CCSER1: variants seen among roughly 807,000 people sequenced by gnomAD.
CCSER1 encodes the protein coiled-coil serine rich protein 1.
A neutral mutation model predicts 82.0 loss-of-function variants in CCSER1; 41 were observed. That is an observed-to-expected ratio of 0.50 (90% confidence interval 0.39 to 0.65). CCSER1 has a LOEUF of 0.65. Among genes scored for constraint, CCSER1 ranks in the 30% least tolerant of loss-of-function variants. The probability of loss-of-function intolerance (pLI) is 0.00; values close to 1 mark genes in which losing one functional copy is unlikely to be tolerated. For synonymous variants in CCSER1, 414 were observed against 383.9 expected (o/e 1.08, Z -0.92); for missense variants, 1,119 against 1,064.2 (o/e 1.05, Z -0.72).
chr4:90,413,703 C>T (rs1755252702), intron 4 of CCSER1, among the ~76,000 whole-genome samples: 1 of 151,514 alleles, frequency 6.6e-6, no homozygotes, highest in South Asian at 2.1e-4. Flanking sequence ...CGCCTGTAAT[C>T]CCAGCACTTT....
At chr4:90,857,977 T>G (rs192608526) in intron 8 of CCSER1, among the ~76,000 whole-genome samples, 18 of 152,226 alleles carry the variant, frequency 1.2e-4, no homozygotes, top group African/African-American at 4.3e-4. Flanking sequence ...TATCTACATA[T>G]ATGTATCTTA....
rs538636524 is a variant in CCSER1, at chr4:91,296,228, CAA to C, written c.2217+210240_2217+210241del. ...GAATGTGGCTTAAGTTTCTGGCAGC[CAA>C]AAAAAGAGAAAGCTCATTTTATTAG... On this transcript the variant is annotated intron_variant, in intron 10 of 10. Transcript: ENST00000509176. Among the ~76,000 whole-genome samples, 7 of 150,682 alleles carry C rather than the reference CAA, an allele frequency of 4.6e-5. No individual in the cohort carries two copies. The East Asian group carries it at 1.4e-3, about 30-fold the overall frequency.
intron 4 of CCSER1, among the ~76,000 whole-genome samples, chr4:90,409,942 C>G (rs1754412263): frequency 6.6e-6 from 1 of 151,972 alleles, no homozygotes; most frequent in Admixed American, 6.6e-5. Context: ...GAAGATCTAC[C>G]AAGCAAATGG....
At position 90,468,277 on chromosome 4, in the gene CCSER1, A is replaced by G. The variant is rs150977627; in HGVS notation, c.1647A>G (p.Ala549=). The G allele has an allele frequency of 0.01, 16,433 of 1,609,112 alleles. 117 individuals are homozygous for G. The highest frequency in any genetic ancestry group is 0.022 in the South Asian group (1,990 of 90,190). ...DSYHSVVSCA[A]VVLTPMEPMI... Reference sequence around the variant, plus strand: ...ATCACTCTGTCGTCTCATGTGCCGCAGTAGTTCTTACTCCTATGGAACCAA... The same window carrying G: ...ATCACTCTGTCGTCTCATGTGCCGCGGTAGTTCTTACTCCTATGGAACCAA... The change falls in exon 5 of 11, where the codon GCA becomes GCG. Residue 549 remains alanine (A), a synonymous_variant. Transcript: ENST00000509176.
chr4:90,894,836 T>C (rs942934850), intron 8 of CCSER1, among the ~76,000 whole-genome samples: 1 of 152,026 alleles, frequency 6.6e-6, no homozygotes, highest in Non-Finnish European at 1.5e-5. Context: ...TGATTACAGT[T>C]GGCAGTGCTC....
chr4:91,124,250 T>C lies in CCSER1; in HGVS notation c.2217+38256T>C, dbSNP rs531814862. 8.6e-5 allele frequency among the ~76,000 whole-genome samples: 13 copies of C among 151,956 alleles called. No individual in the cohort carries two copies. In the South Asian group the frequency reaches 2.5e-3, roughly 29 times the overall value. ...AAATTTCAAATATTGTCATTAGTTC[T>C]CTTTAGAAGAGAGTTACATCTGTGC... On this transcript the variant is annotated intron_variant, in intron 10 of 10. Transcript: ENST00000509176.
At position 90,971,059 on chromosome 4, in the gene CCSER1, G is replaced by A. The variant is rs1054128580; in HGVS notation, c.2172+47612G>A. Reference sequence around the variant, plus strand: ...CAAAGTTAGCAGAAGGAAGGAAATAGTAAATATTACAGCAGAAGTAAAGTA... The same window carrying A: ...CAAAGTTAGCAGAAGGAAGGAAATAATAAATATTACAGCAGAAGTAAAGTA... On this transcript the variant is annotated intron_variant, in intron 9 of 10. Coordinates refer to ENST00000509176, the MANE Select transcript of CCSER1 (RefSeq NM_001145065.2). Among the ~76,000 whole-genome samples, 4 of 149,452 alleles carry A rather than the reference G, an allele frequency of 2.7e-5. 1 individual carries two copies. The Admixed American group carries it at 2.7e-4, about 10-fold the overall frequency.
At chr4:91,003,801 C>A (rs968970654) in intron 9 of CCSER1, among the ~76,000 whole-genome samples, 3 of 152,184 alleles carry the variant, frequency 2.0e-5, no homozygotes, top group Non-Finnish European at 4.4e-5. Flanking sequence ...CCTTCTGTGG[C>A]CTTTTCCCAG....
chr4:90,220,135 T>G (rs1475710127), intron 1 of CCSER1, among the ~76,000 whole-genome samples: 2 of 152,124 alleles, frequency 1.3e-5, no homozygotes, highest in African/African-American at 4.8e-5. Context: ...AAATATTTTG[T>G]TTTTAGTTAT....
intron 4 of CCSER1, among the ~76,000 whole-genome samples, chr4:90,465,932 G>A (rs1400566145): frequency 6.6e-6 from 1 of 151,998 alleles, no homozygotes; most frequent in Non-Finnish European, 1.5e-5. Flanking sequence ...GTAAAAAGAG[G>A]ACTGAATATA....
intron 10 of CCSER1, among the ~76,000 whole-genome samples, chr4:91,548,195 C>T (rs114451254): frequency 0.027 from 4,144 of 152,222 alleles, 79 homozygotes; most frequent in Non-Finnish European, 0.043. Flanking sequence ...TTGCAATTTA[C>T]GTGTAAAACT....
intron 8 of CCSER1, among the ~76,000 whole-genome samples, chr4:90,884,450 A>G (rs970764933): frequency 2.6e-5 from 4 of 152,156 alleles, no homozygotes; most frequent in African/African-American, 9.7e-5. Flanking sequence ...GTCTGTGGTC[A>G]TATACATATG....
intron 5 of CCSER1, among the ~76,000 whole-genome samples, chr4:90,547,108 C>T (rs562401761): frequency 7.9e-5 from 12 of 151,830 alleles, no homozygotes; most frequent in African/African-American, 2.2e-4. Flanking sequence ...CATACATTAG[C>T]GGATAAATTC....
intron 6 of CCSER1, among the ~76,000 whole-genome samples, chr4:90,696,142 C>A (rs555669769): frequency 6.6e-6 from 1 of 151,954 alleles, no homozygotes; most frequent in Non-Finnish European, 1.5e-5. Flanking sequence ...TTTTGTTTTT[C>A]ATTTTCTTTT....
chr4:90,687,757 A>G (rs2149213736), intron 6 of CCSER1, among the ~76,000 whole-genome samples: 1 of 152,298 alleles, frequency 6.6e-6, no homozygotes, highest in African/African-American at 2.4e-5. Context: ...AGCTAGGTAG[A>G]CTGAAAGGAA....
chr4:90,470,972 A>G (rs1357776009), intron 5 of CCSER1, among the ~76,000 whole-genome samples: 2 of 152,036 alleles, frequency 1.3e-5, no homozygotes, highest in Admixed American at 6.6e-5. Context: ...CACAATTGAC[A>G]TATTGGTGAT....
At chr4:90,383,285 CA>C (rs1208950084) in intron 3 of CCSER1, among the ~76,000 whole-genome samples, 52 of 152,204 alleles carry the variant, frequency 3.4e-4, no homozygotes, top group African/African-American at 1.3e-3. Context: ...AGTAAAGTAT[CA>C]TTTGAATACA....
At chr4:90,396,236 G>A (rs1412549710) in intron 3 of CCSER1, among the ~76,000 whole-genome samples, 2 of 152,140 alleles carry the variant, frequency 1.3e-5, no homozygotes, top group Non-Finnish European at 2.9e-5. Context: ...TTTATCAAAT[G>A]TCTGAAATGC....
chr4:91,477,568 C>T, intron 10 of CCSER1, among the ~76,000 whole-genome samples: 1 of 151,488 alleles, frequency 6.6e-6, no homozygotes, highest in Non-Finnish European at 1.5e-5. Flanking sequence ...ACATTATAGC[C>T]TATAATCTAA....
Sources: allele counts gnomAD v4.1 joint callset (sites outside exome capture counted in the v4.1 genomes callset), GRCh38; gene constraint gnomAD v4.1.1; transcripts MANE v1.5; gene names NCBI Gene and HGNC (gene_info 2026-07-23, HGNC 2026-07-21).